Variants in FAM78B observed in about 807,000 individuals in gnomAD.
FAM78B encodes protein FAM78B.
FAM78B carries 10 observed loss-of-function variants against 20.0 expected under a neutral mutation model. That is an observed-to-expected ratio of 0.50 (90% CI 0.31 to 0.85). FAM78B has a LOEUF of 0.85. Among genes scored for constraint, FAM78B ranks in the 40% least tolerant of loss-of-function variants. The pLI is 0.05. For missense variants in FAM78B, 283 were observed against 345.0 expected (o/e 0.82, Z 1.42); for synonymous variants, 135 against 132.8 (o/e 1.02, Z -0.12).
intron 1 of FAM78B, among the ~76,000 whole-genome samples, chr1:166,084,231 ACACACACTCT>A (rs1465302643): frequency 7.8e-6 from 1 of 128,638 alleles, no homozygotes; most frequent in Non-Finnish European, 1.7e-5. Context: ...ACACACACAC[ACACACACTCT>A]CTCTCTCTCT....
chr1:166,165,111 C>A (rs752505850), intron 1 of FAM78B: 1 of 152,230 alleles, frequency 6.6e-6, no homozygotes, highest in Non-Finnish European at 1.5e-5. Context: ...GCCCGGCGCG[C>A]ACCAACCGGC....
chr1:166,109,824 A>ATG (rs1488199610), intron 1 of FAM78B, among the ~76,000 whole-genome samples: 1 of 20,000 alleles, frequency 5.0e-5, no homozygotes, highest in East Asian at 2.0e-3. Flanking sequence ...GTATATATAT[A>ATG]TATATATGTA....
In FAM78B at chr1:166,124,101, T is replaced by C. The variant is rs532185699; in HGVS notation, c.263+41885A>G. ...ATGCCCCACCCCGAGGCTGCCACCATAGCAAAACCAATCTCCTTGTAGTTT... is the reference window on the plus strand; with the variant it reads ...ATGCCCCACCCCGAGGCTGCCACCACAGCAAAACCAATCTCCTTGTAGTTT... On this transcript the variant is annotated intron_variant, in intron 1 of 1. Coordinates refer to ENST00000354422, the MANE Select transcript of FAM78B (RefSeq NM_001017961.5). Among the ~76,000 whole-genome samples, 4 of 152,190 alleles carry C rather than the reference T, an allele frequency of 2.6e-5. No individual in the cohort carries two copies. The East Asian group carries it at 5.8e-4, about 22-fold the overall frequency.
intron 1 of FAM78B, among the ~76,000 whole-genome samples, chr1:166,134,385 T>C (rs920414805): frequency 6.6e-6 from 1 of 152,100 alleles, no homozygotes; most frequent in African/African-American, 2.4e-5. Context: ...AGCAACTAGC[T>C]AGTGGCAGAG....
At chr1:166,073,188 C>T (rs1161659804) in intron 1 of FAM78B, among the ~76,000 whole-genome samples, 1 of 152,144 alleles carries the variant, frequency 6.6e-6, no homozygotes, top group African/African-American at 2.4e-5. Flanking sequence ...CACATCAGAA[C>T]AAACACATCT....
Position 166,166,382 on chromosome 1 carries a change from G to A in FAM78B, c.-134C>T, listed in dbSNP as rs1263624938. ...CAGACTCAGCTCGCACCTAGGAGCG[G>A]GGAGCCGCCGGGCATCCTTGGGGAA... is the stretch of plus-strand genomic sequence containing the variant. On this transcript the variant is annotated 5_prime_UTR_variant, in exon 1 of 2. Coordinates refer to ENST00000354422, the MANE Select transcript of FAM78B (RefSeq NM_001017961.5). The A allele has an allele frequency of 2.6e-6, 2 of 776,030 alleles. No homozygotes were observed. The highest frequency in any genetic ancestry group is 1.9e-5 in the African/African-American group (1 of 53,220). The allele number at this position is 776,030 out of a possible 1,614,324, so 48.1% of individuals were successfully genotyped here.
At chr1:166,122,053 G>A (rs1179084337) in intron 1 of FAM78B, among the ~76,000 whole-genome samples, 3 of 152,172 alleles carry the variant, frequency 2.0e-5, no homozygotes, top group South Asian at 4.1e-4. Context: ...ACTGCTTTTC[G>A]GAATCACAGA....
chr1:166,101,736 G>A (rs1422281348), intron 1 of FAM78B, among the ~76,000 whole-genome samples: 1 of 152,142 alleles, frequency 6.6e-6, no homozygotes, highest in Admixed American at 6.5e-5. Context: ...CGTCTGATTG[G>A]TGTACCTGAA....
At chr1:166,106,033 A>G (rs1653766795) in intron 1 of FAM78B, among the ~76,000 whole-genome samples, 1 of 152,022 alleles carries the variant, frequency 6.6e-6, no homozygotes, top group Non-Finnish European at 1.5e-5. Flanking sequence ...GCCATAAAAA[A>G]TGATGAGTTC....
At chr1:166,059,692 T>C (rs1651501104) in exon 3 of FAM78B, 1 of 152,228 alleles carries the variant, frequency 6.6e-6, no homozygotes, top group Non-Finnish European at 1.5e-5. Flanking sequence ...CTGAGGGCTA[T>C]CTAGACAGTC....
At position 166,165,977 on chromosome 1, in the gene FAM78B, G is replaced by A. The variant is rs758483720; in HGVS notation, c.263+9C>T. 6.2e-7 allele frequency: 1 copy of A among 1,613,564 alleles called. No individual in the cohort carries two copies. Among genetic ancestry groups the A allele is most frequent in the Admixed American group, 1.7e-5 (1 of 60,008 alleles). On this transcript the variant is annotated intron_variant, in intron 1 of 1. Coordinates refer to ENST00000354422, the MANE Select transcript of FAM78B (RefSeq NM_001017961.5). ...AGTCCGCTCCCGTGCCGCGCGGCGA[G>A]TCGCTTACATGCCCAGGTCGCTGTA...
chr1:166,144,535 G>A (rs985319467), intron 1 of FAM78B, among the ~76,000 whole-genome samples: 1 of 152,136 alleles, frequency 6.6e-6, no homozygotes, highest in Non-Finnish European at 1.5e-5. Context: ...CAGGGATGGG[G>A]AGAAAGAGGT....
In FAM78B at chr1:166,070,622, G is replaced by A. The variant is rs771172613; in HGVS notation, c.405C>T (p.Ser135=). ...GGTAGAAGTTGTCATTCATGCTGACGGAGAACCTGGAGATCTTGTTGGTGG... is the reference window on the plus strand; with the variant it reads ...GGTAGAAGTTGTCATTCATGCTGACAGAGAACCTGGAGATCTTGTTGGTGG... ...VGPTNKISRF[S]VSMNDNFYPS... is the part of the protein sequence containing the mutation. Residue 135 remains serine (S), a synonymous_variant, in exon 2 of 2, where the codon TCC becomes TCT. Coordinates refer to ENST00000354422, the MANE Select transcript of FAM78B (RefSeq NM_001017961.5). 24 of 1,613,498 alleles carry A rather than the reference G, an allele frequency of 1.5e-5. No individual in the cohort carries two copies. The highest frequency in any genetic ancestry group is 9.9e-5 in the South Asian group (9 of 91,078).
At chr1:166,159,092 C>G (rs375380935) in intron 1 of FAM78B, among the ~76,000 whole-genome samples, 4 of 152,332 alleles carry the variant, frequency 2.6e-5, no homozygotes, top group East Asian at 3.9e-4. Flanking sequence ...CTACTTGGAG[C>G]CTTTGGGCAA....
intron 1 of FAM78B, among the ~76,000 whole-genome samples, chr1:166,150,562 G>A (rs988467595): frequency 3.3e-5 from 5 of 152,162 alleles, no homozygotes; most frequent in African/African-American, 1.2e-4. Context: ...AACTCAAGAG[G>A]TAAGCAGCCT....
At chr1:166,109,838 A>ATATATATATATATATATGTATG (rs1469856162) in intron 1 of FAM78B, among the ~76,000 whole-genome samples, 1 of 21,186 alleles carries the variant, frequency 4.7e-5, no homozygotes, top group African/African-American at 1.7e-4. Context: ...ATATGTATAT[A>ATATATATATATATATATGTATG]TGTATATATA....
At chr1:166,088,460 C>T (rs914442161) in intron 1 of FAM78B, among the ~76,000 whole-genome samples, 2 of 152,166 alleles carry the variant, frequency 1.3e-5, no homozygotes, top group African/African-American at 4.8e-5. Context: ...AAGATCCAGG[C>T]CCACTATCTG....
At chr1:166,063,084 C>G (rs746499847) in intron 2 of FAM78B, among the ~76,000 whole-genome samples, 4 of 152,236 alleles carry the variant, frequency 2.6e-5, no homozygotes, top group Non-Finnish European at 5.9e-5. Context: ...TACAGGCACA[C>G]TGGCTGATGC....
At chr1:166,163,867 C>T (rs1156312131) in intron 1 of FAM78B, among the ~76,000 whole-genome samples, 1 of 152,208 alleles carries the variant, frequency 6.6e-6, no homozygotes, top group Non-Finnish European at 1.5e-5. Context: ...TCTCCTACAT[C>T]TACATGAAAA....
Sources: allele counts gnomAD v4.1 joint callset (sites outside exome capture counted in the v4.1 genomes callset), GRCh38; gene constraint gnomAD v4.1.1; transcripts MANE v1.5; gene names NCBI Gene and HGNC (gene_info 2026-07-23, HGNC 2026-07-21).